The following TRIM71 variants were observed in gnomAD, a reference collection of about 807,000 sequenced individuals.
TRIM71 encodes E3 ubiquitin-protein ligase TRIM71.
In TRIM71, 9 loss-of-function variants were observed where a neutral mutation model predicts 61.2. The observed-to-expected ratio is 0.15, with a 90% CI of 0.09 to 0.26. The LOEUF (loss-of-function observed/expected upper bound fraction) is 0.26. TRIM71 is among the 10% of genes least tolerant of loss of function. The probability of loss-of-function intolerance (pLI) is 1.00; values close to 1 mark genes in which losing one functional copy is unlikely to be tolerated. For synonymous variants in TRIM71, 645 were observed against 553.2 expected (o/e 1.17, Z -2.33); for missense variants, 998 against 1,238.7 (o/e 0.81, Z 2.92).
intron 1 of TRIM71, among the ~76,000 whole-genome samples, chr3:32,830,587 G>A (rs967313806): frequency 6.6e-6 from 1 of 152,128 alleles, no homozygotes; most frequent in South Asian, 2.1e-4. Context: ...GAGCAATTTG[G>A]CATTGATGGA....
intron 1 of TRIM71, among the ~76,000 whole-genome samples, chr3:32,827,627 A>G (rs1478327400): frequency 1.3e-5 from 2 of 152,144 alleles, no homozygotes; most frequent in Non-Finnish European, 2.9e-5. Flanking sequence ...ACATTTTGTC[A>G]ACATTAATAG....
At chr3:32,849,905 G>T (rs1696519088) in intron 1 of TRIM71, among the ~76,000 whole-genome samples, 1 of 152,228 alleles carries the variant, frequency 6.6e-6, no homozygotes, top group Non-Finnish European at 1.5e-5. Context: ...GTCACAAGTT[G>T]TGCACACAAA....
In TRIM71 at chr3:32,873,869, A is replaced by G; in HGVS notation, c.904A>G (p.Thr302Ala). The G allele has an allele frequency of 1.9e-6, 3 of 1,613,780 alleles. No homozygotes were observed. The highest frequency in any genetic ancestry group is 1.7e-4 in the Middle Eastern group (1 of 6,060). The change falls in exon 2 of 4, where the codon ACA becomes GCA. Residue 302 changes from threonine (T) to alanine (A), a missense_variant. Coordinates refer to ENST00000383763, the MANE Select transcript of TRIM71 (RefSeq NM_001039111.3). ...TCSVPICREC[T>A]MGRHGGHSFI... ...CTCTGTACCCATCTGTCGTGAGTGC[A>G]CAATGGGCCGGCATGGGGGCCACAG...
intron 1 of TRIM71, among the ~76,000 whole-genome samples, chr3:32,851,565 GC>G (rs1393871918): frequency 6.6e-6 from 1 of 151,954 alleles, no homozygotes; most frequent in Non-Finnish European, 1.5e-5. Flanking sequence ...TGCTACCGTC[GC>G]CTCCCAGGTT....
At chr3:32,859,305 GGT>G (rs1375886187) in intron 1 of TRIM71, among the ~76,000 whole-genome samples, 2 of 152,152 alleles carry the variant, frequency 1.3e-5, no homozygotes, top group African/African-American at 4.8e-5. Flanking sequence ...TTATTGCCTG[GGT>G]GGAGTGCAGT....
In TRIM71 at chr3:32,818,558, G is replaced by A. The variant is rs1015869375; in HGVS notation, c.478G>A (p.Ala160Thr). Residue 160 changes from alanine to threonine, a missense_variant, in exon 1 of 4, where the codon GCG becomes ACG. Ala to Thr is a moderately conservative substitution (Grantham distance 58, BLOSUM62 0). Around this residue, in one of 5 missense-constraint regions of TRIM71, gnomAD observed 527 missense variants for 427.8 expected, o/e 1.23. Coordinates refer to ENST00000383763, the MANE Select transcript of TRIM71 (RefSeq NM_001039111.3). Reference sequence around the variant, plus strand: ...CCACGCTCACCACGCGCACCCGCGCGCGTCCGCCTCCGCGCCGCCACTCCC... The same window carrying A: ...CCACGCTCACCACGCGCACCCGCGCACGTCCGCCTCCGCGCCGCCACTCCC... ...RHHAHHAHPR[A>T]SASAPPLPQA... The A allele has an allele frequency of 4.0e-6, 5 of 1,262,836 alleles. No homozygotes were observed. Among genetic ancestry groups the A allele is most frequent in the Non-Finnish European group, 4.9e-6 (5 of 1,011,522 alleles). 78.2% of individuals were successfully genotyped at this position (1,262,836 alleles called of 1,614,324 possible). A position where few individuals can be genotyped will look rare whatever the true frequency, so the allele number is the denominator to read the frequency against.
intron 3 of TRIM71, among the ~76,000 whole-genome samples, chr3:32,889,829 G>C (rs1258612371): frequency 6.6e-6 from 1 of 152,082 alleles, no homozygotes; most frequent in Non-Finnish European, 1.5e-5. Context: ...GACCTCAGGT[G>C]ATCTGCCTGC....
chr3:32,875,424 A>G (rs1018081392), intron 2 of TRIM71, among the ~76,000 whole-genome samples: 1 of 152,244 alleles, frequency 6.6e-6, no homozygotes, highest in South Asian at 2.1e-4. Flanking sequence ...TCCCTGTGTT[A>G]TAGGATACTT....
At chr3:32,839,215 G>A (rs1280889338) in intron 1 of TRIM71, among the ~76,000 whole-genome samples, 2 of 152,094 alleles carry the variant, frequency 1.3e-5, no homozygotes, top group Non-Finnish European at 1.5e-5. Context: ...TGGATGATAA[G>A]GTCCTGTGTG....
chr3:32,851,936 C>T (rs994360901), intron 1 of TRIM71, among the ~76,000 whole-genome samples: 2 of 152,160 alleles, frequency 1.3e-5, no homozygotes, highest in African/African-American at 4.8e-5. Flanking sequence ...ATCACTTAGG[C>T]ATAGCAACAG....
chr3:32,834,516 C>T (rs913575381), intron 1 of TRIM71, among the ~76,000 whole-genome samples: 1 of 152,074 alleles, frequency 6.6e-6, no homozygotes, highest in Non-Finnish European at 1.5e-5. Flanking sequence ...CCAGGGCTTC[C>T]TAGATCGGGG....
At chr3:32,879,672 TAAAA>T (rs34024813) in intron 2 of TRIM71, among the ~76,000 whole-genome samples, 4 of 148,006 alleles carry the variant, frequency 2.7e-5, no homozygotes, top group Admixed American at 6.7e-5. Context: ...TTCAATTTCT[TAAAA>T]AAAAAAAAAA....
chr3:32,847,938 A>C (rs1413528545), intron 1 of TRIM71, among the ~76,000 whole-genome samples: 2 of 152,230 alleles, frequency 1.3e-5, no homozygotes, highest in African/African-American at 2.4e-5. Flanking sequence ...TAATATTTAC[A>C]TTGTACTAGA....
intron 1 of TRIM71, among the ~76,000 whole-genome samples, chr3:32,849,360 G>A (rs574346992): frequency 6.7e-6 from 1 of 149,478 alleles, no homozygotes; most frequent in Non-Finnish European, 1.5e-5. Context: ...GAGTTTTTTT[G>A]GTTTTTTTTT....
At chr3:32,857,136 C>T (rs1180975925) in intron 1 of TRIM71, among the ~76,000 whole-genome samples, 1 of 152,204 alleles carries the variant, frequency 6.6e-6, no homozygotes, top group Non-Finnish European at 1.5e-5. Context: ...CATGTACACA[C>T]TTCTCTTCAG....
intron 1 of TRIM71, among the ~76,000 whole-genome samples, chr3:32,852,355 G>A (rs1183827777): frequency 6.6e-6 from 1 of 152,096 alleles, no homozygotes; most frequent in Non-Finnish European, 1.5e-5. Flanking sequence ...CCACTACTGG[G>A]TTTATGCCTG....
At chr3:32,864,870 G>A (rs1413214429) in intron 1 of TRIM71, among the ~76,000 whole-genome samples, 1 of 147,672 alleles carries the variant, frequency 6.8e-6, no homozygotes. Context: ...GTGTGTGTGT[G>A]TGTGTGTGTG....
chr3:32,859,875 G>A (rs77326216), intron 1 of TRIM71, among the ~76,000 whole-genome samples: 2,573 of 152,206 alleles, frequency 0.017, 63 homozygotes, highest in East Asian at 0.12. Flanking sequence ...TGGTTTGGCA[G>A]CTGAATTGAT....
At chr3:32,839,995 C>G (rs531052583) in intron 1 of TRIM71, among the ~76,000 whole-genome samples, 1 of 152,298 alleles carries the variant, frequency 6.6e-6, no homozygotes, top group Admixed American at 6.5e-5. Flanking sequence ...AGAGTTAATT[C>G]AAACGCTCCA....
Sources: allele counts gnomAD v4.1 joint callset (sites outside exome capture counted in the v4.1 genomes callset), GRCh38; gene constraint gnomAD v4.1.1; regional missense constraint gnomAD v4.1.1; transcripts MANE v1.5; gene names NCBI Gene and HGNC (gene_info 2026-07-23, HGNC 2026-07-21).